The following HK1 variants were observed in gnomAD, a reference collection of about 807,000 sequenced individuals.
The protein encoded by HK1 is hexokinase-1.
In HK1, 28 loss-of-function variants were observed where a neutral mutation model predicts 91.6. That is an observed-to-expected ratio of 0.31 (90% CI 0.23 to 0.42). The LOEUF (loss-of-function observed/expected upper bound fraction) is 0.42, where lower values mean the gene tolerates loss of function less well. HK1 is among the 10% of genes least tolerant of loss of function. The probability of loss-of-function intolerance (pLI) is 1.00; values close to 1 mark genes in which losing one functional copy is unlikely to be tolerated. For missense variants in HK1, 770 were observed against 1,219.8 expected (o/e 0.63, Z 5.49); for synonymous variants, 430 against 468.1 (o/e 0.92, Z 1.05).
chr10:69,345,895 AT>A (rs1848526021), intron 2 of HK1, among the ~76,000 whole-genome samples: 1 of 152,032 alleles, frequency 6.6e-6, no homozygotes, highest in African/African-American at 2.4e-5. Context: ...TGTGAAATGT[AT>A]TTTTCACCCC....
chr10:69,363,784 AC>A (rs1849557195), intron 3 of HK1, among the ~76,000 whole-genome samples: 1 of 152,174 alleles, frequency 6.6e-6, no homozygotes, highest in Non-Finnish European at 1.5e-5. Flanking sequence ...GAAGCTAGGG[AC>A]CCAGTGTTCC....
rs1447870731 is a variant in HK1, at chr10:69,380,647, C to T, written c.1265+552C>T. 6.6e-6 allele frequency among the ~76,000 whole-genome samples: 1 copy of T among 152,158 alleles called. No individual in the cohort carries two copies. Among genetic ancestry groups the T allele is most frequent in the Non-Finnish European group, 1.5e-5 (1 of 68,040 alleles). On this transcript the variant is annotated intron_variant, in intron 9 of 17. Transcript: ENST00000359426. The surrounding 1 kb of genome is among the most constrained non-coding windows in gnomAD (Gnocchi z 4.0). ...AATGGGCAGCTTGTCTGTGCTTGGC[C>T]TCTGAGAGCTGGAGCTGCAGGAGCT...
At chr10:69,296,123 C>T (rs908291073) in intron 4 of HK1, 3 of 197,376 alleles carry the variant, frequency 1.5e-5, no homozygotes, top group South Asian at 2.1e-4. Context: ...TCTTTCCTGT[C>T]GACATATCCC....
At chr10:69,283,717 G>T (rs1204555479) in intron 2 of HK1, among the ~76,000 whole-genome samples, 2 of 144,848 alleles carry the variant, frequency 1.4e-5, no homozygotes, top group African/African-American at 5.1e-5. Context: ...GGAGGCGGAG[G>T]CTGCAACAAG....
At chr10:69,278,205 T>C (rs1448740428) in intron 1 of HK1, among the ~76,000 whole-genome samples, 1 of 152,244 alleles carries the variant, frequency 6.6e-6, no homozygotes, top group Non-Finnish European at 1.5e-5. Flanking sequence ...TCCATCTTCT[T>C]GGAAACTGCC....
At chr10:69,284,905 C>T (rs1844944852) in intron 2 of HK1, among the ~76,000 whole-genome samples, 2 of 152,134 alleles carry the variant, frequency 1.3e-5, no homozygotes, top group Admixed American at 1.3e-4. Flanking sequence ...CAAGCTCTGC[C>T]TCCTGGGTTC....
chr10:69,392,399 G>T, intron 15 of HK1, 91 bp downstream of exon 15: 1 of 1,382,348 alleles, frequency 7.2e-7, no homozygotes, highest in Non-Finnish European at 1.0e-6. Context: ...AAGTTTCTAG[G>T]AGGAGAGGTC....
At chr10:69,303,641 C>G (rs1306676225) in intron 5 of HK1, among the ~76,000 whole-genome samples, 4 of 151,980 alleles carry the variant, frequency 2.6e-5, no homozygotes, top group African/African-American at 4.8e-5. Flanking sequence ...GCTACCGAAC[C>G]AGGATTACCC....
chr10:69,319,035 TGG>T, intron 1 of HK1, 25 bp downstream of exon 1: 1 of 1,586,544 alleles, frequency 6.3e-7, no homozygotes, highest in Non-Finnish European at 8.6e-7. Context: ...GCGCCGCCGC[TGG>T]TCCTGGCCGC....
intron 15 of HK1, 117 bp downstream of exon 15, chr10:69,392,425 A>G: frequency 9.2e-7 from 1 of 1,081,182 alleles, no homozygotes; most frequent in Non-Finnish European, 1.4e-6. Context: ...AGAGGTTTCA[A>G]GACTGGACCC....
At chr10:69,384,729 T>C (rs1334434874) in intron 11 of HK1, 67 bp from the exon 12 acceptor site, 3 of 1,606,484 alleles carry the variant, frequency 1.9e-6, no homozygotes, top group Non-Finnish European at 1.7e-6. Flanking sequence ...ATACACACTT[T>C]GGTCCATGTG....
At chr10:69,348,464 C>G (rs1337432427) in intron 2 of HK1, among the ~76,000 whole-genome samples, 1 of 152,236 alleles carries the variant, frequency 6.6e-6, no homozygotes, top group Non-Finnish European at 1.5e-5. Flanking sequence ...GAGTTCCCAT[C>G]ATGCAGCTGG....
chr10:69,401,001 A>G lies in HK1; in HGVS notation c.2620A>G (p.Ile874Val). The change falls in exon 18 of 18, where the codon ATC becomes GTC. Residue 874 changes from isoleucine (I) to valine (V), a missense_variant. Ile to Val is a conservative substitution (Grantham distance 29). Around this residue, in one of 7 missense-constraint regions of HK1, gnomAD observed 78 missense variants for 99.0 expected, o/e 0.79. Transcript: ENST00000359426. ...LYKLHPHFSRIMHQTVKELSP... is the reference protein window; with the variant it reads ...LYKLHPHFSRVMHQTVKELSP... The stretch of plus-strand genomic sequence containing the variant: ...TCTCGTCCTTTTTAGCTTCTCCAGA[A>G]TCATGCACCAGACGGTGAAGGAACT... The G allele has an allele frequency of 6.2e-7, 1 of 1,614,228 alleles. No individual in the cohort carries two copies.
At chr10:69,322,754 G>A (rs971216306) in intron 1 of HK1, among the ~76,000 whole-genome samples, 4 of 151,996 alleles carry the variant, frequency 2.6e-5, no homozygotes, top group Non-Finnish European at 4.4e-5. Flanking sequence ...GCTGGGTGTG[G>A]TGGCGCATGC....
In HK1 at chr10:69,361,517, G is replaced by A. The variant is rs114699084; in HGVS notation, c.375+1472G>A. Among the ~76,000 whole-genome samples the A allele has an allele frequency of 2.3e-3, 343 of 152,302 alleles. 1 individual carries two copies. The highest frequency in any genetic ancestry group is 7.9e-3 in the African/African-American group (330 of 41,564). ...TTGGGTTGAGCTACCTAAGCCTGGCGCATTCAACACTGAGACTCACCCTGT... is the reference window on the plus strand; with the variant it reads ...TTGGGTTGAGCTACCTAAGCCTGGCACATTCAACACTGAGACTCACCCTGT... On this transcript the variant is annotated intron_variant, in intron 3 of 17. Coordinates refer to ENST00000359426, the MANE Select transcript of HK1 (RefSeq NM_000188.3).
chr10:69,277,445 G>A (rs1396416032), intron 1 of HK1, among the ~76,000 whole-genome samples: 7 of 152,084 alleles, frequency 4.6e-5, no homozygotes, highest in Non-Finnish European at 8.8e-5. Context: ...GTGCCCACCT[G>A]TTGTCCCAGC....
chr10:69,367,144 G>A (rs1329057572), intron 4 of HK1, among the ~76,000 whole-genome samples: 3 of 152,170 alleles, frequency 2.0e-5, no homozygotes, highest in Non-Finnish European at 2.9e-5. Flanking sequence ...ACATGCCCAA[G>A]AGGGGGCATT....
chr10:69,276,118 A>AAAAATATATATATATATATATAT lies in HK1; in HGVS notation c.-391+6011_-391+6012insAAATATATATATATATATATATA. Reference sequence around the variant, plus strand: ...AAAAAAAAAAAAAAAAAAAAAAAAAAATACATATATATATATATATACACA... The same window carrying AAAAATATATATATATATATATAT: ...AAAAAAAAAAAAAAAAAAAAAAAAAAAAAATATATATATATATATATATATACATATATATATATATATACACA... On this transcript the variant is annotated intron_variant, in intron 1 of 21. Coordinates refer to the HK1 transcript ENST00000360289. 1.8e-4 allele frequency among the ~76,000 whole-genome samples: 7 copies of AAAAATATATATATATATATATAT among 38,268 alleles called. 1 individual carries two copies. The highest frequency in any genetic ancestry group is 2.5e-4 in the Non-Finnish European group (5 of 19,638). The allele number at this position is 38,268 out of a possible 152,430, so 25.1% of individuals were successfully genotyped here. A position where few individuals can be genotyped will look rare whatever the true frequency, so the allele number is the denominator to read the frequency against.
chr10:69,349,240 C>T (rs970458934), intron 2 of HK1, among the ~76,000 whole-genome samples: 1 of 152,206 alleles, frequency 6.6e-6, no homozygotes, highest in African/African-American at 2.4e-5. Context: ...CACTCCCAAC[C>T]TGTGTGACCT....
Sources: allele counts gnomAD v4.1 joint callset (sites outside exome capture counted in the v4.1 genomes callset), GRCh38; gene constraint gnomAD v4.1.1; regional missense constraint gnomAD v4.1.1; non-coding constraint Gnocchi (gnomAD v3.1); transcripts MANE v1.5; gene names NCBI Gene and HGNC (gene_info 2026-07-23, HGNC 2026-07-21).